Variants in CDYL observed in about 807,000 individuals in gnomAD.
The protein encoded by CDYL is chromodomain Y-like protein.
In CDYL, 8 loss-of-function variants were observed where a neutral mutation model predicts 47.3. The ratio of observed to expected loss-of-function variants is 0.17; its 90% CI spans 0.10 to 0.31. The LOEUF (loss-of-function observed/expected upper bound fraction) is 0.31. Among genes scored for constraint, CDYL ranks in the 10% least tolerant of loss-of-function variants. CDYL has a pLI of 1.00. For missense variants in CDYL, 471 were observed against 701.4 expected (o/e 0.67, Z 3.71); for synonymous variants, 266 against 265.0 (o/e 1.00, Z -0.04).
intron 3 of CDYL, among the ~76,000 whole-genome samples, chr6:4,761,209 C>G (rs946327628): frequency 6.6e-6 from 1 of 152,152 alleles, no homozygotes; most frequent in Non-Finnish European, 1.5e-5. Flanking sequence ...TGAGCACTCT[C>G]CAGTTACATA....
intron 2 of CDYL, among the ~76,000 whole-genome samples, chr6:4,905,612 G>A (rs1477713357): frequency 6.6e-6 from 1 of 152,194 alleles, no homozygotes; most frequent in Non-Finnish European, 1.5e-5. Flanking sequence ...AATTACACCA[G>A]TGAAGCCGTT....
chr6:4,789,595 C>A (rs985739536), intron 1 of CDYL, among the ~76,000 whole-genome samples: 1 of 152,188 alleles, frequency 6.6e-6, no homozygotes, highest in Non-Finnish European at 1.5e-5. Context: ...CTCTGCAGTG[C>A]TCTGTGAGCT....
rs114067267 is a variant in CDYL, at chr6:4,768,001, G to A, written c.186+33157G>A. 5.3e-3 allele frequency among the ~76,000 whole-genome samples: 810 copies of A among 152,288 alleles called. 5 individuals are homozygous for A. Among genetic ancestry groups the A allele is most frequent in the African/African-American group, 0.019 (782 of 41,550 alleles). On this transcript the variant is annotated intron_variant, in intron 3 of 8. Coordinates refer to the CDYL transcript ENST00000328908. ...GTCAGATTATTGATGAAGAGACCCA[G>A]GACCTGGTCATGAGCTACCAGATTT...
intron 1 of CDYL, among the ~76,000 whole-genome samples, chr6:4,886,143 C>T (rs1320372410): frequency 1.3e-5 from 2 of 152,130 alleles, no homozygotes; most frequent in Non-Finnish European, 2.9e-5. Context: ...ACTTACTCAT[C>T]AGTTAATAGA....
rs1015581927 is a variant in CDYL, at chr6:4,759,853, T to G, written c.186+25009T>G. On this transcript the variant is annotated intron_variant, in intron 3 of 8. Transcript: ENST00000328908. The stretch of plus-strand genomic sequence containing the variant: ...GAGATCACGCCATTGCACTCCAGCC[T>G]GGGCAACAAGAGAGAAACTCCATCT... 5.0e-5 allele frequency among the ~76,000 whole-genome samples: 4 copies of G among 79,542 alleles called. No individual in the cohort carries two copies. In the Admixed American group the frequency reaches 7.5e-4, roughly 15 times the overall value. The allele number at this position is 79,542 out of a possible 152,430, so 52.2% of individuals were successfully genotyped here. A position where few individuals can be genotyped will look rare whatever the true frequency, so the allele number is the denominator to read the frequency against.
chr6:4,737,211 T>C (rs1046757840), intron 3 of CDYL, among the ~76,000 whole-genome samples: 6 of 152,200 alleles, frequency 3.9e-5, no homozygotes, highest in African/African-American at 1.4e-4. Flanking sequence ...TATGTGACTT[T>C]AACTGATTTG....
At position 4,776,646 on chromosome 6, in the gene CDYL, G is replaced by C. The variant is rs1758459608; in HGVS notation, c.-138G>C. 2 of 674,190 alleles carry C rather than the reference G, an allele frequency of 3.0e-6. No homozygotes were observed. The highest frequency in any genetic ancestry group is 4.1e-6 in the Non-Finnish European group (2 of 490,914). 41.8% of individuals were successfully genotyped at this position (674,190 alleles called of 1,614,324 possible). A position where few individuals can be genotyped will look rare whatever the true frequency, so the allele number is the denominator to read the frequency against. ...ACTGGCCGCGGAGTGCAAGAGGCTCGTCCGTGCCCAGCGCCCGGCCGGCCG... is the reference window on the plus strand; with the variant it reads ...ACTGGCCGCGGAGTGCAAGAGGCTCCTCCGTGCCCAGCGCCCGGCCGGCCG... On this transcript the variant is annotated 5_prime_UTR_variant, in exon 1 of 7. Coordinates refer to ENST00000397588, the MANE Select transcript of CDYL (RefSeq NM_004824.4).
chr6:4,951,085 A>T (rs1004538689), intron 5 of CDYL, among the ~76,000 whole-genome samples: 1 of 152,162 alleles, frequency 6.6e-6, no homozygotes, highest in African/African-American at 2.4e-5. Flanking sequence ...TTTCACATGC[A>T]GTAAACGGCA....
At chr6:4,843,258 T>G (rs1760555407) in intron 1 of CDYL, among the ~76,000 whole-genome samples, 1 of 152,188 alleles carries the variant, frequency 6.6e-6, no homozygotes, top group Non-Finnish European at 1.5e-5. Context: ...TTCTTTTCCT[T>G]CATCTTAACT....
chr6:4,741,004 C>T (rs1757787663), intron 3 of CDYL, among the ~76,000 whole-genome samples: 1 of 152,114 alleles, frequency 6.6e-6, no homozygotes, highest in Admixed American at 6.5e-5. Context: ...CCAGGCTGGT[C>T]TCGAACTCCT....
chr6:4,895,271 A>G (rs1448601930), intron 2 of CDYL, among the ~76,000 whole-genome samples: 1 of 137,896 alleles, frequency 7.3e-6, no homozygotes, highest in African/African-American at 3.2e-5. Context: ...GTATACATGT[A>G]TGTATATATG....
chr6:4,722,464 A>C (rs1757389086), intron 2 of CDYL, among the ~76,000 whole-genome samples: 1 of 152,234 alleles, frequency 6.6e-6, no homozygotes, highest in East Asian at 1.9e-4. Context: ...CTTCCGAAAG[A>C]TAAGAAAATG....
At chr6:4,887,697 A>C (rs931424560) in intron 1 of CDYL, among the ~76,000 whole-genome samples, 2 of 152,110 alleles carry the variant, frequency 1.3e-5, no homozygotes, top group Admixed American at 6.5e-5. Flanking sequence ...CTAGTCACTC[A>C]GCCAAAACTA....
At chr6:4,829,816 G>A (rs1303729101) in intron 1 of CDYL, among the ~76,000 whole-genome samples, 1 of 152,202 alleles carries the variant, frequency 6.6e-6, no homozygotes, top group African/African-American at 2.4e-5. Context: ...TGTGAATAAG[G>A]TTGGCTGTGC....
chr6:4,890,364 G>A lies in CDYL; in HGVS notation c.25-1349G>A, dbSNP rs932087285. Among the ~76,000 whole-genome samples, 12 of 152,298 alleles carry A rather than the reference G, an allele frequency of 7.9e-5. 1 individual carries two copies. The East Asian group carries it at 1.3e-3, about 17-fold the overall frequency. On this transcript the variant is annotated intron_variant, in intron 1 of 6. Coordinates refer to ENST00000397588, the MANE Select transcript of CDYL (RefSeq NM_004824.4). Reference sequence around the variant, plus strand: ...AGCTTTCCCTGCTATGATACGGACCGCGTGGACTCGCCCTTGGTGACCTGA... The same window carrying A: ...AGCTTTCCCTGCTATGATACGGACCACGTGGACTCGCCCTTGGTGACCTGA...
chr6:4,745,554 C>T (rs759481416), intron 3 of CDYL, among the ~76,000 whole-genome samples: 3 of 150,162 alleles, frequency 2.0e-5, no homozygotes, highest in Non-Finnish European at 4.4e-5. Context: ...CCAGCCTGGC[C>T]AACATAGTGA....
chr6:4,918,787 A>G (rs908799755), intron 2 of CDYL, among the ~76,000 whole-genome samples: 3 of 152,200 alleles, frequency 2.0e-5, no homozygotes, highest in African/African-American at 4.8e-5. Flanking sequence ...ATCTCTGTGT[A>G]TGTTTTGAAG....
chr6:4,912,736 T>C (rs1376291661), intron 2 of CDYL, among the ~76,000 whole-genome samples: 1 of 152,204 alleles, frequency 6.6e-6, no homozygotes, highest in Non-Finnish European at 1.5e-5. Context: ...GCCTCTTTGC[T>C]GGTGAGGACT....
At chr6:4,813,541 C>T (rs1313227595) in intron 1 of CDYL, among the ~76,000 whole-genome samples, 1 of 152,124 alleles carries the variant, frequency 6.6e-6, no homozygotes, top group African/African-American at 2.4e-5. Flanking sequence ...TATTCTTCTG[C>T]CACTGATGGA....
Sources: gnomAD v4.1 joint callset for allele counts (sites outside exome capture counted in the v4.1 genomes callset) on GRCh38, gnomAD v4.1.1 for gene constraint, MANE v1.5 for transcripts, NCBI Gene and HGNC (gene_info 2026-07-23, HGNC 2026-07-21) for gene names.